The following CNIH3 variants were observed in gnomAD, a reference collection of about 807,000 sequenced individuals.
CNIH3 encodes cornichon family AMPA receptor auxiliary protein 3, also known as protein cornichon homolog 3.
In CNIH3, 14 loss-of-function variants were observed where a neutral mutation model predicts 24.1. The observed-to-expected ratio is 0.58, with a 90% confidence interval of 0.38 to 0.91. CNIH3 has a LOEUF of 0.91. Among genes scored for constraint, CNIH3 ranks in the 40% least tolerant of loss-of-function variants. The pLI, the probability that CNIH3 is intolerant of heterozygous loss-of-function variation, is 0.00. For synonymous variants in CNIH3, 68 were observed against 73.8 expected (o/e 0.92, Z 0.40); for missense variants, 178 against 196.8 (o/e 0.90, Z 0.57).
intron 4 of CNIH3, among the ~76,000 whole-genome samples, chr1:224,567,882 T>C (rs16849683): frequency 0.061 from 9,265 of 152,220 alleles, 880 homozygotes; most frequent in African/African-American, 0.2. Flanking sequence ...AGGGGAGCCT[T>C]GTTAGTCTTT....
At chr1:224,663,706 C>T (rs1264100435) in intron 1 of CNIH3, among the ~76,000 whole-genome samples, 1 of 152,188 alleles carries the variant, frequency 6.6e-6, no homozygotes, top group Admixed American at 6.5e-5. Flanking sequence ...AGCCATTCCC[C>T]TCGTCTGGTA....
rs551759554 is a variant in CNIH3, at chr1:224,703,704, A to G, written c.198+18861A>G. On this transcript the variant is annotated intron_variant, in intron 3 of 5. Transcript: ENST00000272133. The surrounding 1 kb of genome is among the most constrained non-coding windows in gnomAD (Gnocchi z 4.2). ...GAGTTTCCAAAGCAATTTGTTTCCT[A>G]AAAGATAGAAGTTCATCTTTTTTCA... Among the ~76,000 whole-genome samples, 35 of 152,288 alleles carry G rather than the reference A, an allele frequency of 2.3e-4. No individual in the cohort carries two copies. In the South Asian group the frequency reaches 6.8e-3, roughly 30 times the overall value.
upstream of CNIH3, among the ~76,000 whole-genome samples, chr1:224,515,508 T>C (rs1225230562): frequency 6.6e-6 from 1 of 152,244 alleles, no homozygotes; most frequent in Non-Finnish European, 1.5e-5. Context: ...TTTTGGTAAT[T>C]TGAAAACTTT....
Position 224,476,159 on chromosome 1 carries a change from A to G in CNIH3, n.204-39582A>G, listed in dbSNP as rs111516613. On this transcript the variant is annotated intron_variant and non_coding_transcript_variant, in intron 1 of 5. Transcript: ENST00000471578. The stretch of plus-strand genomic sequence containing the variant: ...ATATCATACTTAAAGTAGAAAACTG[A>G]AAGCATTTCCTCAAATATCTGGAAC... 8.7e-3 allele frequency among the ~76,000 whole-genome samples: 1,322 copies of G among 152,328 alleles called. 19 individuals carry two copies. Among genetic ancestry groups the G allele is most frequent in the African/African-American group, 0.03 (1,267 of 41,554 alleles).
intron 1 of CNIH3, among the ~76,000 whole-genome samples, chr1:224,457,978 T>A (rs181591833): frequency 1.5e-4 from 23 of 152,332 alleles, no homozygotes; most frequent in Non-Finnish European, 2.2e-4. Flanking sequence ...AGACTTATTT[T>A]ACTTTATGCC....
chr1:224,588,621 C>G (rs1324793868), downstream of CNIH3: 6 of 151,866 alleles, frequency 4.0e-5, no homozygotes, highest in Non-Finnish European at 7.4e-5. Flanking sequence ...AAAAAACAAG[C>G]ATTTAAACTC....
intron 3 of CNIH3, among the ~76,000 whole-genome samples, chr1:224,706,891 A>C (rs1488601434): frequency 6.7e-6 from 1 of 148,392 alleles, no homozygotes; most frequent in Non-Finnish European, 1.5e-5. Flanking sequence ...CATGTGGATA[A>C]TTTTTCATAT....
chr1:224,581,245 C>T (rs1039813776), intron 4 of CNIH3, among the ~76,000 whole-genome samples: 5 of 151,872 alleles, frequency 3.3e-5, no homozygotes, highest in South Asian at 4.2e-4. Flanking sequence ...AGTCTTTTTC[C>T]GGTTTTGATG....
At chr1:224,563,460 GGTGTGTGTGTGTGT>G (rs55836837) in intron 3 of CNIH3, among the ~76,000 whole-genome samples, 17,157 of 146,448 alleles carry the variant, frequency 0.12, 998 homozygotes, top group South Asian at 0.14. Context: ...TTTTAGACGG[GGTGTGTGTGTGTGT>G]GTGTGTGTGT....
chr1:224,472,403 G>C (rs1459905021), intron 1 of CNIH3, among the ~76,000 whole-genome samples: 1 of 152,094 alleles, frequency 6.6e-6, no homozygotes, highest in African/African-American at 2.4e-5. Flanking sequence ...TAATCTATAA[G>C]TGGATAAAGA....
chr1:224,649,742 C>T (rs571462137), intron 1 of CNIH3, among the ~76,000 whole-genome samples: 1 of 152,314 alleles, frequency 6.6e-6, no homozygotes, highest in South Asian at 2.1e-4. Flanking sequence ...CATTTTCCAG[C>T]CCGGTCCACC....
chr1:224,688,638 A>G (rs746426046), intron 3 of CNIH3, among the ~76,000 whole-genome samples: 5 of 152,194 alleles, frequency 3.3e-5, no homozygotes, highest in African/African-American at 7.2e-5. Flanking sequence ...CAAAATTTAC[A>G]TATTTTACTA....
At chr1:224,537,498 G>A (rs1275078522), downstream of CNIH3, 2 of 152,202 alleles carry the variant, frequency 1.3e-5, no homozygotes, top group African/African-American at 2.4e-5. Context: ...CGTGCTTTGA[G>A]TTGTCCTGCC....
chr1:224,653,605 A>G (rs573169453), intron 1 of CNIH3, among the ~76,000 whole-genome samples: 2 of 152,326 alleles, frequency 1.3e-5, no homozygotes, highest in South Asian at 2.1e-4. Context: ...GAAGAAATCT[A>G]TTAAGGAAAA....
At chr1:224,517,704 A>G (rs965708318) in intron 1 of CNIH3, among the ~76,000 whole-genome samples, 2 of 148,678 alleles carry the variant, frequency 1.3e-5, no homozygotes, top group African/African-American at 5.0e-5. Context: ...CTTAACTCCC[A>G]CCTGTGAGTG....
At position 224,624,312 on chromosome 1, in the gene CNIH3, C is replaced by G. The variant is rs144170221; in HGVS notation, c.81+7057C>G. Among the ~76,000 whole-genome samples, 210 of 152,296 alleles carry G rather than the reference C, an allele frequency of 1.4e-3. 1 individual carries two copies. The highest frequency in any genetic ancestry group is 4.8e-3 in the African/African-American group (200 of 41,574). Reference sequence around the variant, plus strand: ...TTGTTTTTCTGGGGCCCTGTTTCTCCTCCATCTCCCCTGTGGGTTCTTCTT... The same window carrying G: ...TTGTTTTTCTGGGGCCCTGTTTCTCGTCCATCTCCCCTGTGGGTTCTTCTT... On this transcript the variant is annotated intron_variant, in intron 1 of 5. Coordinates refer to ENST00000272133, the MANE Select transcript of CNIH3 (RefSeq NM_152495.2).
chr1:224,701,925 A>G (rs1005172790), intron 3 of CNIH3, among the ~76,000 whole-genome samples: 1 of 152,226 alleles, frequency 6.6e-6, no homozygotes, highest in African/African-American at 2.4e-5. Context: ...TTTCACTAGT[A>G]AAATGATGCA....
At chr1:224,737,196 G>A (rs1447414839) in intron 5 of CNIH3, among the ~76,000 whole-genome samples, 1 of 150,268 alleles carries the variant, frequency 6.7e-6, no homozygotes, top group African/African-American at 2.5e-5. Flanking sequence ...GGAGGGAAGC[G>A]GCTGTGCGTG....
At chr1:224,448,017 G>A (rs1675235415) in intron 1 of CNIH3, among the ~76,000 whole-genome samples, 2 of 152,232 alleles carry the variant, frequency 1.3e-5, no homozygotes, top group Admixed American at 1.3e-4. Flanking sequence ...TAGAGCCCAT[G>A]CTGTTAACAT....
Sources: gnomAD v4.1 joint callset for allele counts (sites outside exome capture counted in the v4.1 genomes callset) on GRCh38, gnomAD v4.1.1 for gene constraint, Gnocchi (gnomAD v3.1) non-coding constraint, MANE v1.5 for transcripts, NCBI Gene and HGNC (gene_info 2026-07-23, HGNC 2026-07-21) for gene names.